Variants in ITGB8 observed in about 807,000 individuals in gnomAD.
ITGB8 encodes integrin subunit beta 8, also known as integrin beta-8.
A neutral mutation model predicts 89.5 loss-of-function variants in ITGB8; 30 were observed. The ratio of observed to expected loss-of-function variants is 0.34; its 90% CI spans 0.25 to 0.45. The LOEUF (loss-of-function observed/expected upper bound fraction) is 0.45. Ranked by LOEUF, ITGB8 falls within the 20% of genes least tolerant of loss-of-function variation. The pLI, the probability that ITGB8 is intolerant of heterozygous loss-of-function variation, is 1.00. For missense variants in ITGB8, 836 were observed against 933.3 expected (o/e 0.90, Z 1.36); for synonymous variants, 335 against 320.4 (o/e 1.05, Z -0.49).
intron 12 of ITGB8, among the ~76,000 whole-genome samples, chr7:20,406,858 T>C (rs1028083148): frequency 6.6e-6 from 1 of 152,210 alleles, no homozygotes; most frequent in Non-Finnish European, 1.5e-5. Flanking sequence ...TTATGTCACA[T>C]TTATAATCAT....
At chr7:20,401,457 G>C (rs1232407290) in intron 9 of ITGB8, among the ~76,000 whole-genome samples, 1 of 152,096 alleles carries the variant, frequency 6.6e-6, no homozygotes, top group Non-Finnish European at 1.5e-5. Context: ...CTTCAGATAG[G>C]CTTGCACTCA....
intron 12 of ITGB8, among the ~76,000 whole-genome samples, chr7:20,407,462 T>G (rs1388639846): frequency 6.6e-6 from 1 of 152,102 alleles, no homozygotes; most frequent in African/African-American, 2.4e-5. Context: ...ACCTTGAAAT[T>G]ATATCTTTAT....
At chr7:20,346,250 G>A (rs900995556) in intron 1 of ITGB8, among the ~76,000 whole-genome samples, 10 of 152,166 alleles carry the variant, frequency 6.6e-5, no homozygotes, top group African/African-American at 2.4e-4. Context: ...GGGAGAGCCA[G>A]GTTTCTGTTC....
At chr7:20,403,094 C>G (rs1488479815) in intron 10 of ITGB8, among the ~76,000 whole-genome samples, 1 of 152,196 alleles carries the variant, frequency 6.6e-6, no homozygotes, top group Non-Finnish European at 1.5e-5. Flanking sequence ...GTAGTCTCAG[C>G]TGAAAATTTG....
chr7:20,364,065 G>A (rs974243402), intron 2 of ITGB8, among the ~76,000 whole-genome samples: 1 of 152,112 alleles, frequency 6.6e-6, no homozygotes, highest in Non-Finnish European at 1.5e-5. Context: ...GAGGCATTAG[G>A]TTATGTATCC....
rs569438520 is a variant in ITGB8, at chr7:20,372,571, GA to G, written c.388+5386del. Among the ~76,000 whole-genome samples, 32 of 152,292 alleles carry G rather than the reference GA, an allele frequency of 2.1e-4. No homozygotes were observed. The South Asian group carries it at 5.8e-3, about 28-fold the overall frequency. ...AGCTATATGAGGCTGAAGCTCAGGGGAGAGATAGGGGTTGGAGATAGAAGAG... is the reference window on the plus strand; with the variant it reads ...AGCTATATGAGGCTGAAGCTCAGGGGGAGATAGGGGTTGGAGATAGAAGAG... On this transcript the variant is annotated intron_variant, in intron 3 of 13. Coordinates refer to ENST00000222573, the MANE Select transcript of ITGB8 (RefSeq NM_002214.3).
chr7:20,332,600 C>A (rs1784443486), intron 1 of ITGB8, among the ~76,000 whole-genome samples: 1 of 152,178 alleles, frequency 6.6e-6, no homozygotes, highest in Admixed American at 6.5e-5. Flanking sequence ...TCCAGGCAAA[C>A]CATTTGTGTA....
At chr7:20,368,285 C>T (rs1182770332) in intron 3 of ITGB8, among the ~76,000 whole-genome samples, 1 of 152,162 alleles carries the variant, frequency 6.6e-6, no homozygotes, top group Non-Finnish European at 1.5e-5. Flanking sequence ...GCTCTTCCCA[C>T]CTTCCATTGC....
chr7:20,407,328 ATACT>A (rs1335902814), intron 12 of ITGB8, among the ~76,000 whole-genome samples: 2 of 151,632 alleles, frequency 1.3e-5, no homozygotes, highest in South Asian at 2.1e-4. Flanking sequence ...TATATCAATG[ATACT>A]TAATAAAGCT....
chr7:20,394,782 A>G (rs1215385880), intron 7 of ITGB8, 114 bp from the exon 8 acceptor site: 1 of 720,336 alleles, frequency 1.4e-6, no homozygotes, highest in Non-Finnish European at 2.4e-6. Context: ...ATAGGTTTTC[A>G]TTCATTTAAT....
At chr7:20,358,847 C>A (rs1785393285) in intron 1 of ITGB8, among the ~76,000 whole-genome samples, 1 of 152,180 alleles carries the variant, frequency 6.6e-6, no homozygotes, top group Non-Finnish European at 1.5e-5. Flanking sequence ...AGTTTTTCAA[C>A]CCTTGCTCCC....
intron 1 of ITGB8, among the ~76,000 whole-genome samples, chr7:20,338,732 T>C (rs1206581297): frequency 6.6e-6 from 1 of 152,174 alleles, no homozygotes; most frequent in Non-Finnish European, 1.5e-5. Flanking sequence ...CTTGACTACC[T>C]CATGTCAAAG....
In ITGB8 at chr7:20,410,127, C is replaced by T. The variant is rs549764024; in HGVS notation, c.*130C>T. ...GCCAGTTGCTGGTTGTACACTCGAACGAAGACTGACAAGTATCCTCATCAT... is the reference window on the plus strand; with the variant it reads ...GCCAGTTGCTGGTTGTACACTCGAATGAAGACTGACAAGTATCCTCATCAT... On this transcript the variant is annotated 3_prime_UTR_variant, in exon 14 of 14. Coordinates refer to ENST00000222573, the MANE Select transcript of ITGB8 (RefSeq NM_002214.3). The T allele has an allele frequency of 1.4e-5, 12 of 845,024 alleles. No homozygotes were observed. The highest frequency in any genetic ancestry group is 3.6e-4 in the Middle Eastern group (1 of 2,764). 52.3% of individuals were successfully genotyped at this position (845,024 alleles called of 1,614,324 possible).
At chr7:20,348,318 C>CA (rs1449558399) in intron 1 of ITGB8, among the ~76,000 whole-genome samples, 7 of 152,178 alleles carry the variant, frequency 4.6e-5, no homozygotes. Flanking sequence ...AGGTTTCTGG[C>CA]AGTGCCCCAT....
intron 3 of ITGB8, among the ~76,000 whole-genome samples, chr7:20,378,262 C>A (rs1300334527): frequency 6.6e-6 from 1 of 152,152 alleles, no homozygotes; most frequent in Non-Finnish European, 1.5e-5. Flanking sequence ...CTTGTGGCAG[C>A]CCCCTCTCCT....
Position 20,404,821 on chromosome 7 carries a change from C to T in ITGB8, c.1881C>T (p.Cys627=), listed in dbSNP as rs1193255539. The change falls in exon 11 of 14, where the codon TGC becomes TGT. Residue 627 remains cysteine, a synonymous_variant. Coordinates refer to ENST00000222573, the MANE Select transcript of ITGB8 (RefSeq NM_002214.3). ...PRSIGRFCEH[C]PTCYTACKEN... The stretch of plus-strand genomic sequence containing the variant: ...GCATCGGCCGCTTCTGTGAACACTG[C>T]CCCACCTGTTATACAGCCTGCAAGG... The T allele has an allele frequency of 1.2e-6, 2 of 1,614,018 alleles. No individual in the cohort carries two copies. Among genetic ancestry groups the T allele is most frequent in the East Asian group, 2.2e-5 (1 of 44,900 alleles).
chr7:20,368,422 T>C (rs376627577), intron 3 of ITGB8, among the ~76,000 whole-genome samples: 18 of 152,210 alleles, frequency 1.2e-4, no homozygotes, highest in Non-Finnish European at 2.4e-4. Context: ...CCCTTAGATA[T>C]TCCTATAATT....
intron 12 of ITGB8, 128 bp from the exon 13 acceptor site, chr7:20,409,487 G>A (rs550066422): frequency 1.6e-5 from 10 of 632,190 alleles, no homozygotes; most frequent in Admixed American, 6.0e-5. Flanking sequence ...TTTCAATCCC[G>A]ATTTGAAAAT....
At chr7:20,340,699 T>A (rs1221448896) in intron 1 of ITGB8, among the ~76,000 whole-genome samples, 1 of 152,168 alleles carries the variant, frequency 6.6e-6, no homozygotes, top group Non-Finnish European at 1.5e-5. Context: ...TTTTCCTGAT[T>A]TTAGTAAGGA....
Sources: allele counts gnomAD v4.1 joint callset (sites outside exome capture counted in the v4.1 genomes callset), GRCh38; gene constraint gnomAD v4.1.1; transcripts MANE v1.5; gene names NCBI Gene and HGNC (gene_info 2026-07-23, HGNC 2026-07-21).